SEMA7A: variants seen among roughly 807,000 people sequenced by gnomAD.
SEMA7A encodes the protein semaphorin-7A.
In SEMA7A, 21 loss-of-function variants were observed where a neutral mutation model predicts 67.5. That is an observed-to-expected ratio of 0.31 (90% CI 0.22 to 0.45). SEMA7A has a LOEUF of 0.45. Among genes scored for constraint, SEMA7A ranks in the 20% least tolerant of loss-of-function variants. SEMA7A has a pLI of 1.00. For missense variants in SEMA7A, 774 were observed against 908.6 expected, an observed-to-expected ratio of 0.85 and a Z score of 1.90; for synonymous variants, 364 against 368.5, an observed-to-expected ratio of 0.99 and a Z score of 0.14.
intron 1 of SEMA7A, among the ~76,000 whole-genome samples, chr15:74,427,739 T>C (rs1427801732): frequency 1.3e-5 from 2 of 152,158 alleles, no homozygotes; most frequent in African/African-American, 4.8e-5. Flanking sequence ...GATTGCACCA[T>C]CCCACACTGA....
At position 74,427,364 on chromosome 15, in the gene SEMA7A, A is replaced by C. The variant is rs1314227647; in HGVS notation, c.178+6377T>G. The C allele has an allele frequency of 3.0e-6, 3 of 985,454 alleles. No individual in the cohort carries two copies. In the East Asian group the frequency reaches 3.4e-4, roughly 112 times the overall value. 61.0% of individuals were successfully genotyped at this position (985,454 alleles called of 1,614,324 possible). On this transcript the variant is annotated intron_variant, in intron 1 of 13. Transcript: ENST00000261918. ...GCCAGAGGGACAGGTATCTTAGAAC[A>C]GATTCCTGGGCCACCAATGGAGTGC...
Position 74,417,660 on chromosome 15 carries a change from C to A in SEMA7A, c.481G>T (p.Val161Leu), listed in dbSNP as rs373950889. The change falls in exon 5 of 14, where the codon GTG becomes TTG. Residue 161 changes from valine to leucine, a missense_variant. Around this residue, in one of 2 missense-constraint regions of SEMA7A, gnomAD observed 347 missense variants for 353.2 expected, o/e 0.98. Transcript: ENST00000261918. ...TAGCCTCTCATCTCGCCAAGTGGCA[C>A]CACAGTGCCATTCACCTGTGGGAGA... ...SCWNLVNGTV[V>L]PLGEMRGYAP... is the part of the protein sequence containing the mutation. 3 of 1,611,818 alleles carry A rather than the reference C, an allele frequency of 1.9e-6. No individual in the cohort carries two copies. In the South Asian group the frequency reaches 3.3e-5, roughly 18 times the overall value.
chr15:74,429,465 G>C (rs966142432), intron 1 of SEMA7A, among the ~76,000 whole-genome samples: 2 of 152,218 alleles, frequency 1.3e-5, no homozygotes, highest in African/African-American at 4.8e-5. Context: ...TGCAGAGGAA[G>C]AGCAGGAGAA....
In SEMA7A at chr15:74,411,176, C is replaced by T. The variant is rs995255624; in HGVS notation, c.1639+119G>A. 63 of 1,335,804 alleles carry T rather than the reference C, an allele frequency of 4.7e-5. No individual in the cohort carries two copies. Among genetic ancestry groups the T allele is most frequent in the Non-Finnish European group, 1.1e-5 (11 of 973,912 alleles). The allele number at this position is 1,335,804 out of a possible 1,614,324, so 82.7% of individuals were successfully genotyped here. A position where few individuals can be genotyped will look rare whatever the true frequency, so the allele number is the denominator to read the frequency against. On this transcript the variant is annotated intron_variant, in intron 13 of 13. Coordinates refer to ENST00000261918, the MANE Select transcript of SEMA7A (RefSeq NM_003612.5). This position sits in a 1 kb window ranked among gnomAD's most constrained non-coding sequence, Gnocchi z 4.4. ...AGGGCTCCCTCTGCAGGACTGTATC[C>T]TGCCCCATGTACCTGGGGCCCACAG...
chr15:74,412,087 A>T, intron 10 of SEMA7A, 75 bp from the exon 11 acceptor site: 1,131 of 1,253,404 alleles, frequency 9.0e-4, no homozygotes, highest in Non-Finnish European at 1.2e-3. Context: ...TAGGCCGGGG[A>T]GGGGTGGGAA....
At position 74,417,998 on chromosome 15, in the gene SEMA7A, G is replaced by C. The variant is rs760954617; in HGVS notation, c.373-29C>G. ...CCCGGGGAAGAGAGAAGGGAGGAGA[G>C]AAATTGGTTGCTGGAAGGCCCTGGC... On this transcript the variant is annotated intron_variant, in intron 3 of 13. Transcript: ENST00000261918. 4 of 1,608,946 alleles carry C rather than the reference G, an allele frequency of 2.5e-6. No individual in the cohort carries two copies. The East Asian group carries it at 8.9e-5, about 36-fold the overall frequency.
rs371759091 is a variant in SEMA7A at position 74,411,252 on chromosome 15, C to A, written c.1639+43G>T. On this transcript the variant is annotated intron_variant, in intron 13 of 13. Coordinates refer to ENST00000261918, the MANE Select transcript of SEMA7A (RefSeq NM_003612.5). The surrounding 1 kb of genome is among the most constrained non-coding windows in gnomAD (Gnocchi z 4.4). ...AGGACAATCAGGGCAGGGCAGTACC[C>A]CACTCATTGGGCCACAGCCGCCAGC... 4.0e-5 allele frequency: 64 copies of A among 1,595,172 alleles called. No individual in the cohort carries two copies. The African/African-American group carries it at 8.3e-4, about 21-fold the overall frequency.
At position 74,414,338 on chromosome 15, in the gene SEMA7A, A is replaced by G. The variant is rs185235412; in HGVS notation, c.1294+209T>C. Among the ~76,000 whole-genome samples the G allele has an allele frequency of 6.6e-6, 1 of 151,652 alleles. No individual in the cohort carries two copies. The highest frequency in any genetic ancestry group is 2.4e-5 in the African/African-American group (1 of 41,178). On this transcript the variant is annotated intron_variant, in intron 10 of 13. Coordinates refer to ENST00000261918, the MANE Select transcript of SEMA7A (RefSeq NM_003612.5). The surrounding 1 kb of genome is among the most constrained non-coding windows in gnomAD (Gnocchi z 4.1). ...AAATCCCAGTGCTTGCTTTTCTCCC[A>G]TCCCCCTTTCCCTCTTGCCCCTACC...
intron 1 of SEMA7A, among the ~76,000 whole-genome samples, chr15:74,424,057 G>A (rs938704275): frequency 4.6e-5 from 7 of 152,144 alleles, no homozygotes; most frequent in East Asian, 3.9e-4. Flanking sequence ...TGAGAAGAGC[G>A]AGCTGTGTGC....
chr15:74,433,747 A>G lies in SEMA7A; in HGVS notation c.172T>C (p.Trp58Arg). 1 of 1,442,408 alleles carries G rather than the reference A, an allele frequency of 6.9e-7. No homozygotes were observed. The highest frequency in any genetic ancestry group is 9.1e-7 in the Non-Finnish European group (1 of 1,103,348). 89.4% of individuals were successfully genotyped at this position (1,442,408 alleles called of 1,614,324 possible). Residue 58 changes from tryptophan to arginine, a missense_variant, in exon 1 of 14, where the codon TGG (tryptophan) becomes CGG (arginine). Physicochemically the swap from Trp to Arg is moderately radical, Grantham distance 101. Around this residue, in one of 2 missense-constraint regions of SEMA7A, gnomAD observed 347 missense variants for 353.2 expected, o/e 0.98. Coordinates refer to ENST00000261918, the MANE Select transcript of SEMA7A (RefSeq NM_003612.5). Reference sequence around the variant, plus strand: ...GCCGCGCGGCGCCGCCTACCTTTCCAGACGGCGAAGATGCGGGGTCCGCTC... The same window carrying G: ...GCCGCGCGGCGCCGCCTACCTTTCCGGACGGCGAAGATGCGGGGTCCGCTC... ...LRSGPRIFAV[W>R]KGHVGQDRVD...
At chr15:74,426,826 GT>G (rs1160128991) in intron 1 of SEMA7A, among the ~76,000 whole-genome samples, 1 of 152,168 alleles carries the variant, frequency 6.6e-6, no homozygotes, top group African/African-American at 2.4e-5. Flanking sequence ...AGGGCAGAGT[GT>G]GCTCACCAGC....
Position 74,427,381 on chromosome 15 carries a change from A to G in SEMA7A, c.178+6360T>C, listed in dbSNP as rs2061052117. On this transcript the variant is annotated intron_variant, in intron 1 of 13. Transcript: ENST00000261918. ...CTTAGAACAGATTCCTGGGCCACCA[A>G]TGGAGTGCAGAAGTCATCACAGTGA... 6 of 985,310 alleles carry G rather than the reference A, an allele frequency of 6.1e-6. No homozygotes were observed. In the Admixed American group the frequency reaches 3.7e-4, roughly 61 times the overall value. The allele number at this position is 985,310 out of a possible 1,614,324, so 61.0% of individuals were successfully genotyped here.
rs1567073409 is a variant in SEMA7A at position 74,417,385 on chromosome 15, C to T, written c.611G>A (p.Arg204His). The change falls in exon 6 of 14, where the codon CGC becomes CAC. Residue 204 changes from arginine (R) to histidine (H), a missense_variant. By Grantham distance (29) the Arg-to-His change is conservative. Around this residue, in one of 2 missense-constraint regions of SEMA7A, gnomAD observed 347 missense variants for 353.2 expected, o/e 0.98. Transcript: ENST00000261918. ...CAGCTCACTCTCGCCCCGGATGCGGCGGAACCGAGGGATCTTCCCATTGTA... is the reference window on the plus strand; with the variant it reads ...CAGCTCACTCTCGCCCCGGATGCGGTGGAACCGAGGGATCTTCCCATTGTA... Reference protein sequence around the residue: ...QEYNGKIPRFRRIRGESELYT... With the variant: ...QEYNGKIPRFHRIRGESELYT... 1.9e-6 allele frequency: 3 copies of T among 1,614,062 alleles called. No homozygotes were observed. Among genetic ancestry groups the T allele is most frequent in the Non-Finnish European group, 1.7e-6 (2 of 1,180,008 alleles).
chr15:74,419,501 C>T (rs2141280851), intron 1 of SEMA7A, among the ~76,000 whole-genome samples: 2 of 152,304 alleles, frequency 1.3e-5, no homozygotes, highest in Middle Eastern at 3.4e-3. Flanking sequence ...CCTCTCCAAC[C>T]TCTCCTGGCC....
chr15:74,433,653 C>A, intron 1 of SEMA7A, 88 bp downstream of exon 1: 1 of 1,313,056 alleles, frequency 7.6e-7, no homozygotes, highest in Non-Finnish European at 9.7e-7. Context: ...GAGCTGCGCG[C>A]ACGCACTCCC....
intron 1 of SEMA7A, among the ~76,000 whole-genome samples, chr15:74,421,773 G>C (rs2061002213): frequency 6.6e-6 from 1 of 152,176 alleles, no homozygotes; most frequent in African/African-American, 2.4e-5. Context: ...GGGGGCTAAG[G>C]GGCAGGAGGG....
chr15:74,433,569 T>C, intron 1 of SEMA7A, 172 bp downstream of exon 1: 1 of 1,222,728 alleles, frequency 8.2e-7, no homozygotes. Context: ...TGTGCCAGCG[T>C]GTACACTCAC....
intron 10 of SEMA7A, among the ~76,000 whole-genome samples, chr15:74,412,557 A>G (rs982257544): frequency 1.3e-5 from 2 of 150,130 alleles, no homozygotes; most frequent in African/African-American, 4.9e-5. Flanking sequence ...CTTTAAATAC[A>G]TTTTTTTTTT....
intron 1 of SEMA7A, among the ~76,000 whole-genome samples, chr15:74,428,325 G>A (rs1329803271): frequency 6.6e-6 from 1 of 152,194 alleles, no homozygotes; most frequent in Non-Finnish European, 1.5e-5. Context: ...CAGAAAGCTG[G>A]AAACAGGCTG....
Sources: allele counts gnomAD v4.1 joint callset (sites outside exome capture counted in the v4.1 genomes callset), GRCh38; gene constraint gnomAD v4.1.1; regional missense constraint gnomAD v4.1.1; non-coding constraint Gnocchi (gnomAD v3.1); transcripts MANE v1.5; gene names NCBI Gene and HGNC (gene_info 2026-07-23, HGNC 2026-07-21).